The following DDX46 variants were observed in gnomAD, a reference collection of about 807,000 sequenced individuals.
DDX46 encodes the protein probable ATP-dependent RNA helicase DDX46.
A neutral mutation model predicts 134.9 loss-of-function variants in DDX46; 30 were observed. The observed-to-expected ratio is 0.22, with a 90% CI of 0.17 to 0.30. DDX46 has a LOEUF of 0.30. Among genes scored for constraint, DDX46 ranks in the 10% least tolerant of loss-of-function variants. The pLI, the probability that DDX46 is intolerant of heterozygous loss-of-function variation, is 1.00. For missense variants in DDX46, 622 were observed against 1,248.7 expected, an observed-to-expected ratio of 0.50 and a Z score of 7.56; for synonymous variants, 415 against 404.1, an observed-to-expected ratio of 1.03 and a Z score of -0.32.
chr5:134,778,459 G>A (rs1034248834), intron 6 of DDX46, among the ~76,000 whole-genome samples: 11 of 151,820 alleles, frequency 7.2e-5, no homozygotes, highest in Non-Finnish European at 1.6e-4. Context: ...GCACTCTAAG[G>A]GCAGTGACTT....
chr5:134,804,378 A>G (rs1046411649), intron 15 of DDX46, among the ~76,000 whole-genome samples: 1 of 152,220 alleles, frequency 6.6e-6, no homozygotes, highest in African/African-American at 2.4e-5. Context: ...ATGACACTCC[A>G]ATTATCTTCC....
Position 134,785,479 on chromosome 5 carries a change from C to T in DDX46, c.1357C>T (p.Pro453Ser). ...GEGPIAVIMT[P>S]TRELALQITK... Reference sequence around the variant, plus strand: ...TATCTTTCCAGCTGTCATCATGACTCCAACTCGAGAACTGGCTTTACAGAT... The same window carrying T: ...TATCTTTCCAGCTGTCATCATGACTTCAACTCGAGAACTGGCTTTACAGAT... Residue 453 changes from proline (P) to serine (S), a missense_variant, in exon 11 of 23, where the codon CCA becomes TCA. Transcript: ENST00000452510. 6.2e-7 allele frequency: 1 copy of T among 1,613,020 alleles called. No individual in the cohort carries two copies. Among genetic ancestry groups the T allele is most frequent in the Non-Finnish European group, 8.5e-7 (1 of 1,179,606 alleles).
chr5:134,781,792 T>C (rs1385610638), intron 7 of DDX46, 129 bp from the exon 8 acceptor site: 1 of 860,614 alleles, frequency 1.2e-6, no homozygotes, highest in African/African-American at 1.8e-5. Context: ...GGTCAAACAG[T>C]GTGTCGTAGA....
intron 12 of DDX46, 26 bp downstream of exon 12, chr5:134,788,617 T>A (rs1367624265): frequency 6.3e-7 from 1 of 1,599,176 alleles, no homozygotes. Context: ...TTTTTTGGTG[T>A]CTTTTATTTT....
At chr5:134,767,404 A>G (rs1255763200) in intron 3 of DDX46, among the ~76,000 whole-genome samples, 1 of 152,052 alleles carries the variant, frequency 6.6e-6, no homozygotes, top group Non-Finnish European at 1.5e-5. Context: ...AGTGGCAAGA[A>G]CATAGCTCAC....
chr5:134,780,096 A>ATGTGTGTGTGTG (rs1455322489), intron 6 of DDX46, among the ~76,000 whole-genome samples: 5 of 123,502 alleles, frequency 4.0e-5, no homozygotes, highest in African/African-American at 1.6e-4. Context: ...TGAAAAAAAT[A>ATGTGTGTGTGTG]TATGTGTGTG....
At chr5:134,828,578 G>T (rs539781609) in intron 22 of DDX46, 81 bp from the exon 23 acceptor site, 18 of 869,956 alleles carry the variant, frequency 2.1e-5, no homozygotes, top group African/African-American at 8.2e-5. Flanking sequence ...GGTTTGTTTG[G>T]TTGGTTGGTT....
chr5:134,818,915 C>T lies in DDX46; in HGVS notation c.2888C>T (p.Ser963Phe). The change falls in exon 21 of 23, where the codon TCT becomes TTT. Residue 963 changes from serine to phenylalanine, a missense_variant. Physicochemically the swap from Ser to Phe is radical, Grantham distance 155 (BLOSUM62 -2). Coordinates refer to ENST00000452510, the MANE Select transcript of DDX46 (RefSeq NM_001300860.2). ...GCTCTGCAGAGAATCAGTGAATACT[C>T]TGAAGCCGCAATTACAATCAGAGGA... ...KEALQRISEY[S>F]EAAITIRGTY... is the part of the protein sequence containing the mutation. 6.2e-7 allele frequency: 1 copy of T among 1,613,980 alleles called. No individual in the cohort carries two copies. The highest frequency in any genetic ancestry group is 8.5e-7 in the Non-Finnish European group (1 of 1,179,978).
chr5:134,791,951 G>A (rs980370537), intron 13 of DDX46, among the ~76,000 whole-genome samples: 3 of 152,172 alleles, frequency 2.0e-5, no homozygotes, highest in Non-Finnish European at 4.4e-5. Flanking sequence ...GCCGAGGCAG[G>A]CAGATCACTT....
intron 13 of DDX46, among the ~76,000 whole-genome samples, chr5:134,792,829 GAA>G (rs1468821792): frequency 6.6e-6 from 1 of 152,166 alleles, no homozygotes; most frequent in Non-Finnish European, 1.5e-5. Context: ...ACATGAGAGA[GAA>G]ATGCTGAATA....
intron 2 of DDX46, among the ~76,000 whole-genome samples, chr5:134,765,603 T>TA (rs1561849777): frequency 6.6e-6 from 1 of 151,900 alleles, no homozygotes; most frequent in African/African-American, 2.4e-5. Flanking sequence ...CCCAGCCAAT[T>TA]AAAAAAAGCT....
chr5:134,783,205 A>G (rs1580789146), intron 9 of DDX46, 140 bp downstream of exon 9: 2 of 1,179,610 alleles, frequency 1.7e-6, no homozygotes, highest in South Asian at 1.6e-5. Context: ...TAATTTATAT[A>G]TCAAAATTTA....
chr5:134,825,409 G>T (rs1755563256), intron 21 of DDX46, among the ~76,000 whole-genome samples: 1 of 151,922 alleles, frequency 6.6e-6, no homozygotes, highest in Non-Finnish European at 1.5e-5. Context: ...CCATACCCTT[G>T]GCCTTTTCCT....
chr5:134,820,399 A>G (rs548337961), intron 21 of DDX46, among the ~76,000 whole-genome samples: 44 of 151,842 alleles, frequency 2.9e-4, no homozygotes, highest in African/African-American at 9.4e-4. Flanking sequence ...TTAGCACTCT[A>G]TCGCCCAGGC....
rs779639732 is a variant in DDX46 at position 134,783,096 on chromosome 5, G to T, written c.1166+31G>T. On this transcript the variant is annotated intron_variant, in intron 9 of 22. Coordinates refer to ENST00000452510, the MANE Select transcript of DDX46 (RefSeq NM_001300860.2). ...TGGTTGGTGGTTGTTTATGTTTTCC[G>T]TGTCTTGCTGCTCAAAATAGTCCTT... The T allele has an allele frequency of 2.5e-6, 4 of 1,607,102 alleles. No individual in the cohort carries two copies. The East Asian group carries it at 6.7e-5, about 27-fold the overall frequency.
At chr5:134,818,481 C>A (rs1755346128) in intron 20 of DDX46, among the ~76,000 whole-genome samples, 1 of 151,128 alleles carries the variant, frequency 6.6e-6, no homozygotes, top group South Asian at 2.1e-4. Context: ...GTGGGTGAAT[C>A]ACCTGAGGTC....
At chr5:134,762,249 CAAAA>C (rs748727468) in intron 1 of DDX46, among the ~76,000 whole-genome samples, 3 of 93,414 alleles carry the variant, frequency 3.2e-5, no homozygotes, top group Admixed American at 1.2e-4. Context: ...CATCTCTACC[CAAAA>C]AAAAAAAAAA....
Position 134,758,782 on chromosome 5 carries a change from T to C in DDX46, c.-157T>C. On this transcript the variant is annotated 5_prime_UTR_variant, in exon 1 of 23. Transcript: ENST00000452510. ...CGGCTGCCGGCGCCAGCACGTCCTG[T>C]TTTCGTTGGCCGCGCTGGGATGGCC... The C allele has an allele frequency of 8.5e-7, 1 of 1,172,346 alleles. No individual in the cohort carries two copies. 72.6% of individuals were successfully genotyped at this position (1,172,346 alleles called of 1,614,324 possible).
At chr5:134,774,346 G>T (rs1189943705) in intron 5 of DDX46, among the ~76,000 whole-genome samples, 1 of 151,812 alleles carries the variant, frequency 6.6e-6, no homozygotes, top group Non-Finnish European at 1.5e-5. Context: ...AGTTTTGTTT[G>T]TTCATTCACC....
Sources: gnomAD v4.1 joint callset for allele counts (sites outside exome capture counted in the v4.1 genomes callset) on GRCh38, gnomAD v4.1.1 for gene constraint, MANE v1.5 for transcripts, NCBI Gene and HGNC (gene_info 2026-07-23, HGNC 2026-07-21) for gene names.